The following ZEB2 variants were observed in gnomAD, a reference collection of about 807,000 sequenced individuals.
ZEB2 encodes the protein zinc finger E-box-binding homeobox 2.
A neutral mutation model predicts 99.9 loss-of-function variants in ZEB2; 6 were observed. The ratio of observed to expected loss-of-function variants is 0.06; its 90% CI spans 0.03 to 0.12. The LOEUF is 0.12. Ranked by LOEUF, ZEB2 falls within the 10% of genes least tolerant of loss-of-function variation. The pLI, the probability that ZEB2 is intolerant of heterozygous loss-of-function variation, is 1.00. For missense variants in ZEB2, 969 were observed against 1,502.8 expected, an observed-to-expected ratio of 0.64 and a Z score of 5.87; for synonymous variants, 517 against 542.5, an observed-to-expected ratio of 0.95 and a Z score of 0.65.
chr2:144,456,274 G>A (rs1704120725), intron 2 of ZEB2, among the ~76,000 whole-genome samples: 1 of 152,078 alleles, frequency 6.6e-6, no homozygotes, highest in African/African-American at 2.4e-5. Flanking sequence ...CCTTTCTCTT[G>A]TAGTAGTGTA....
intron 9 of ZEB2, 67 bp from the exon 10 acceptor site, chr2:144,390,095 G>A (rs1408449002): frequency 2.0e-6 from 3 of 1,530,320 alleles, no homozygotes; most frequent in Non-Finnish European, 1.8e-6. Context: ...CACTAATTCT[G>A]TACGCGAGTC....
At chr2:144,424,423 C>A (rs1322457982) in intron 4 of ZEB2, 4 of 525,866 alleles carry the variant, frequency 7.6e-6, no homozygotes, top group South Asian at 5.6e-5. Flanking sequence ...TTTGAATTCT[C>A]AACGACTGAT....
intron 2 of ZEB2, among the ~76,000 whole-genome samples, chr2:144,440,652 T>C (rs1337609036): frequency 6.6e-6 from 1 of 151,720 alleles, no homozygotes. Flanking sequence ...TGGTGTGCCT[T>C]GTCCAAATTT....
rs778583276 is a variant in ZEB2, at chr2:144,385,082, T to C, written c.*4369A>G. ...TGTGATTTTTCTTAATGTCTTCAAA[T>C]GTAGGAATGTTTTGTTGCATGTATA... is the stretch of plus-strand genomic sequence containing the variant. On this transcript the variant is annotated 3_prime_UTR_variant, in exon 10 of 10. Coordinates refer to ENST00000627532, the MANE Select transcript of ZEB2 (RefSeq NM_014795.4). 6.6e-6 allele frequency: 1 copy of C among 152,190 alleles called. No homozygotes were observed. The highest frequency in any genetic ancestry group is 1.5e-5 in the Non-Finnish European group (1 of 68,014). 9.4% of individuals were successfully genotyped at this position (152,190 alleles called of 1,614,324 possible).
chr2:144,404,883 T>G lies in ZEB2; in HGVS notation c.545A>C (p.Glu182Ala), dbSNP rs1413805307. 1 of 1,614,256 alleles carries G rather than the reference T, an allele frequency of 6.2e-7. No homozygotes were observed. The highest frequency in any genetic ancestry group is 1.7e-5 in the Admixed American group (1 of 60,038). Residue 182 changes from glutamate to alanine, a missense_variant, in exon 5 of 10, where the codon GAG becomes GCG. Around this residue, in one of 8 missense-constraint regions of ZEB2, gnomAD observed 65 missense variants for 147.7 expected, o/e 0.44. Coordinates refer to ENST00000627532, the MANE Select transcript of ZEB2 (RefSeq NM_014795.4). ...CTCTGGCGTGCCAAGGCGAGACAGC[T>G]CCTCAGGGGCTTCTGGGTAAATAAT... ...TAIIYPEAPE[E>A]LSRLGTPEAN...
chr2:144,514,640 C>T (rs116369919), intron 2 of ZEB2, among the ~76,000 whole-genome samples: 1 of 152,342 alleles, frequency 6.6e-6, no homozygotes, highest in African/African-American at 2.4e-5. Flanking sequence ...TAGTACTCTT[C>T]TACCTGCTTC....
At chr2:144,433,026 C>T (rs780618233) in intron 2 of ZEB2, among the ~76,000 whole-genome samples, 7 of 152,132 alleles carry the variant, frequency 4.6e-5, no homozygotes, top group Non-Finnish European at 1.5e-5. Context: ...ATAAGCCACC[C>T]TTTGCATGAG....
chr2:144,517,756 GA>G, intron 1 of ZEB2: 1 of 694,720 alleles, frequency 1.4e-6, no homozygotes, highest in Non-Finnish European at 2.6e-6. Context: ...CCTTTCCTTC[GA>G]AAAGTCCTCA....
At chr2:144,392,141 G>T (rs1703162002) in intron 9 of ZEB2, among the ~76,000 whole-genome samples, 1 of 152,196 alleles carries the variant, frequency 6.6e-6, no homozygotes, top group African/African-American at 2.4e-5. Context: ...AGAAATTATA[G>T]ATGAAAATTT....
chr2:144,402,701 T>C (rs182998150), intron 6 of ZEB2, among the ~76,000 whole-genome samples: 1 of 152,308 alleles, frequency 6.6e-6, no homozygotes, highest in African/African-American at 2.4e-5. Context: ...GCTAGATAAA[T>C]ATCTAGGCAC....
chr2:144,398,621 AGTTT>A lies in ZEB2; in HGVS notation c.2562_2565del (p.Glu854AspfsTer6). The A allele has an allele frequency of 6.2e-7, 1 of 1,614,154 alleles. No homozygotes were observed. The highest frequency in any genetic ancestry group is 8.5e-7 in the Non-Finnish European group (1 of 1,180,020). ...AAAGTCAAGTTCAGAGGCTCATCTG[AGTTT>A]TCAGATGAGGAAGAAACACTGTTAT... On this transcript the variant is annotated frameshift_variant, in exon 8 of 10. Coordinates refer to ENST00000627532, the MANE Select transcript of ZEB2 (RefSeq NM_014795.4). LOFTEE classifies it high-confidence loss of function.
At chr2:144,512,703 C>G in intron 2 of ZEB2, 2 of 1,287,158 alleles carry the variant, frequency 1.6e-6, no homozygotes, top group Non-Finnish European at 2.0e-6. Context: ...GGCTCTGCTA[C>G]GAAGGAAAGC....
chr2:144,512,566 T>C, intron 2 of ZEB2: 1 of 1,287,194 alleles, frequency 7.8e-7, no homozygotes, highest in Non-Finnish European at 1.0e-6. Context: ...TTACCCTATT[T>C]GAAAACAAAT....
chr2:144,440,688 G>T (rs1261131599), intron 2 of ZEB2, among the ~76,000 whole-genome samples: 1 of 151,822 alleles, frequency 6.6e-6, no homozygotes, highest in Non-Finnish European at 1.5e-5. Flanking sequence ...GGAGGGGCAG[G>T]AGTGGGTGGC....
Position 144,389,759 on chromosome 2 carries a change from A to G in ZEB2, c.3337T>C (p.Leu1113=), listed in dbSNP as rs730881204. ...PTELLMNRAY[L]QSITPQGYSD... ...TACCCCTGAGGGGTAATGCTCTGCA[A>G]GTAAGCCCGGTTCATCAGCAGCTCG... Residue 1113 remains leucine, a synonymous_variant, in exon 10 of 10, where the codon TTG becomes CTG. Transcript: ENST00000627532. The surrounding 1 kb of genome is among the most constrained non-coding windows in gnomAD (Gnocchi z 6.8). The G allele has an allele frequency of 1.2e-6, 2 of 1,608,928 alleles. No homozygotes were observed. Among genetic ancestry groups the G allele is most frequent in the South Asian group, 1.1e-5 (1 of 90,712 alleles).
At chr2:144,463,931 A>C (rs1704234438) in intron 2 of ZEB2, 2 of 152,302 alleles carry the variant, frequency 1.3e-5, no homozygotes, top group South Asian at 4.1e-4. Flanking sequence ...GAAAGAAAAG[A>C]AAAAGTAAAA....
chr2:144,451,031 C>T (rs1007248318), intron 2 of ZEB2, among the ~76,000 whole-genome samples: 8 of 151,886 alleles, frequency 5.3e-5, no homozygotes, highest in East Asian at 1.9e-4. Context: ...CCTGGGTCTC[C>T]GGAGTGGACA....
In ZEB2 at chr2:144,517,299, C is replaced by T. The variant is rs1191751481; in HGVS notation, c.52G>A (p.Ala18Thr). ...DGPRCKRRKQ[A>T]NPRRKNVVNY... ...TTACCGTTTTTCCTCCTGGGATTGGCTTGTTTGCGCCTCTTGCACCGGGGG... is the reference window on the plus strand; with the variant it reads ...TTACCGTTTTTCCTCCTGGGATTGGTTTGTTTGCGCCTCTTGCACCGGGGG... The change falls in exon 2 of 10, where the codon GCC becomes ACC. Residue 18 changes from alanine (A) to threonine (T), a missense_variant. Around this residue, in one of 8 missense-constraint regions of ZEB2, gnomAD observed 173 missense variants for 217.7 expected, o/e 0.79. Transcript: ENST00000627532. The T allele has an allele frequency of 6.2e-7, 1 of 1,613,552 alleles. No individual in the cohort carries two copies. Among genetic ancestry groups the T allele is most frequent in the Admixed American group, 1.7e-5 (1 of 60,020 alleles).
intron 4 of ZEB2, among the ~76,000 whole-genome samples, chr2:144,410,511 T>C (rs1209017242): frequency 1.3e-5 from 2 of 152,200 alleles, no homozygotes; most frequent in African/African-American, 4.8e-5. Context: ...AAGAGAAATA[T>C]TGGTCCCCAA....
Sources: allele counts gnomAD v4.1 joint callset (sites outside exome capture counted in the v4.1 genomes callset), GRCh38; gene constraint gnomAD v4.1.1; regional missense constraint gnomAD v4.1.1; non-coding constraint Gnocchi (gnomAD v3.1); transcripts MANE v1.5; gene names NCBI Gene and HGNC (gene_info 2026-07-23, HGNC 2026-07-21).